Variants in KMT5B observed in about 807,000 individuals in gnomAD.
KMT5B encodes lysine methyltransferase 5B.
KMT5B carries 10 observed loss-of-function variants against 83.2 expected under a neutral mutation model. That is an observed-to-expected ratio of 0.12 (90% CI 0.07 to 0.20). The LOEUF is 0.20. Among genes scored for constraint, KMT5B ranks in the 10% least tolerant of loss-of-function variants. The pLI, the probability that KMT5B is intolerant of heterozygous loss-of-function variation, is 1.00. For missense variants in KMT5B, 753 were observed against 1,067.2 expected, an observed-to-expected ratio of 0.71 and a Z score of 4.10; for synonymous variants, 349 against 388.8, an observed-to-expected ratio of 0.90 and a Z score of 1.20.
chr11:68,170,636 G>A (rs1855752192), intron 9 of KMT5B, among the ~76,000 whole-genome samples: 1 of 152,200 alleles, frequency 6.6e-6, no homozygotes, highest in African/African-American at 2.4e-5. Flanking sequence ...GACACAGCTT[G>A]ATAATATGCA....
intron 10 of KMT5B, chr11:68,165,871 A>G (rs1855271820): frequency 6.2e-7 from 1 of 1,612,934 alleles, no homozygotes; most frequent in African/African-American, 1.3e-5. Context: ...TCTGACTCCC[A>G]GCAGCAGGTA....
At chr11:68,195,294 G>A (rs1348169273) in intron 1 of KMT5B, among the ~76,000 whole-genome samples, 1 of 152,140 alleles carries the variant, frequency 6.6e-6, no homozygotes, top group East Asian at 1.9e-4. Context: ...TCTCTTACTA[G>A]GCAGTTGGTA....
At chr11:68,161,314 A>T (rs1435407242) in intron 10 of KMT5B, among the ~76,000 whole-genome samples, 1 of 152,200 alleles carries the variant, frequency 6.6e-6, no homozygotes, top group Non-Finnish European at 1.5e-5. Flanking sequence ...ATATAAAGAC[A>T]CTAGTGAAGA....
chr11:68,179,378 A>T, intron 4 of KMT5B: 12 of 1,163,288 alleles, frequency 1.0e-5, no homozygotes, highest in Non-Finnish European at 1.4e-5. Flanking sequence ...CTTCCAATCA[A>T]TGGCTGGTAT....
chr11:68,185,636 T>C (rs1857374212), intron 3 of KMT5B, 145 bp downstream of exon 3: 2 of 697,294 alleles, frequency 2.9e-6, no homozygotes, highest in South Asian at 5.0e-5. Flanking sequence ...TCTGCTTCTC[T>C]TGGCTCACAG....
At chr11:68,200,723 T>C (rs1158324899) in intron 1 of KMT5B, among the ~76,000 whole-genome samples, 2 of 152,236 alleles carry the variant, frequency 1.3e-5, no homozygotes, top group Non-Finnish European at 2.9e-5. Context: ...GTTAAATCTC[T>C]GGATGGGAGT....
At chr11:68,203,142 A>G (rs762731084) in intron 1 of KMT5B, among the ~76,000 whole-genome samples, 1 of 151,424 alleles carries the variant, frequency 6.6e-6, no homozygotes, top group Non-Finnish European at 1.5e-5. Flanking sequence ...CACCCAGCTA[A>G]TTTTTGTATT....
In KMT5B at chr11:68,193,877, T is replaced by G. The variant is rs1858385570; in HGVS notation, c.-76-3725A>C. On this transcript the variant is annotated intron_variant, in intron 1 of 10. Transcript: ENST00000304363. ...GTGCAGTGGTGTGATGATGGCTCAC[T>G]GTGGCCTCAAAGTCCTAGGCTCAAG... Among the ~76,000 whole-genome samples the G allele has an allele frequency of 4.0e-5, 6 of 151,608 alleles. No homozygotes were observed. In the South Asian group the frequency reaches 1.3e-3, roughly 32 times the overall value.
intron 4 of KMT5B, among the ~76,000 whole-genome samples, chr11:68,177,852 A>G (rs1036685078): frequency 3.9e-5 from 6 of 152,210 alleles, no homozygotes; most frequent in African/African-American, 1.2e-4. Flanking sequence ...CCAAATATCC[A>G]TACTCAACTA....
Position 68,188,081 on chromosome 11 carries a change from G to C in KMT5B, c.160+1836C>G, listed in dbSNP as rs181315745. On this transcript the variant is annotated intron_variant, in intron 2 of 10. Coordinates refer to ENST00000304363, the MANE Select transcript of KMT5B (RefSeq NM_017635.5). ...GCTCTGTCGCCCAGGCTGGAGTGCA[G>C]TGACGCAATCTCGGCTCACTGCAAG... Among the ~76,000 whole-genome samples, 18 of 149,896 alleles carry C rather than the reference G, an allele frequency of 1.2e-4. No individual in the cohort carries two copies. The East Asian group carries it at 3.3e-3, about 28-fold the overall frequency.
intron 1 of KMT5B, among the ~76,000 whole-genome samples, chr11:68,209,635 G>C (rs981612312): frequency 2.0e-5 from 3 of 152,146 alleles, no homozygotes; most frequent in Non-Finnish European, 4.4e-5. Flanking sequence ...GGATTCGCTA[G>C]CTCAGCAACC....
rs1856065639 is a variant in KMT5B at position 68,173,735 on chromosome 11, AG to A, written c.653+68del. On this transcript the variant is annotated intron_variant, in intron 6 of 10. Transcript: ENST00000304363. ...CTTCATTCCTTACCATGAATTTCTCAGCACTTCAACAATAATTTAGAAGAGA... is the reference window on the plus strand; with the variant it reads ...CTTCATTCCTTACCATGAATTTCTCACACTTCAACAATAATTTAGAAGAGA... 9 of 1,065,286 alleles carry A rather than the reference AG, an allele frequency of 8.4e-6. No individual in the cohort carries two copies. The Middle Eastern group carries it at 1.5e-3, about 178-fold the overall frequency. 66.0% of individuals were successfully genotyped at this position (1,065,286 alleles called of 1,614,324 possible). A position where few individuals can be genotyped will look rare whatever the true frequency, so the allele number is the denominator to read the frequency against.
intron 2 of KMT5B, among the ~76,000 whole-genome samples, chr11:68,186,989 G>A (rs1008184524): frequency 1.3e-4 from 20 of 151,760 alleles, no homozygotes; most frequent in African/African-American, 4.8e-5. Flanking sequence ...ATTCACATAC[G>A]ACACAACTCA....
intron 9 of KMT5B, among the ~76,000 whole-genome samples, chr11:68,169,807 A>AC (rs1855671263): frequency 6.6e-6 from 1 of 152,260 alleles, no homozygotes; most frequent in Non-Finnish European, 1.5e-5. Context: ...AACTATAATT[A>AC]AACTACTTTA....
chr11:68,169,306 A>G (rs1389930624), intron 9 of KMT5B, among the ~76,000 whole-genome samples: 2 of 152,196 alleles, frequency 1.3e-5, no homozygotes, highest in African/African-American at 4.8e-5. Context: ...TGGAATCCTC[A>G]GTATGTGGTT....
intron 1 of KMT5B, among the ~76,000 whole-genome samples, chr11:68,200,905 C>A (rs1236930284): frequency 2.0e-5 from 3 of 152,118 alleles, no homozygotes; most frequent in Non-Finnish European, 4.4e-5. Context: ...AAGGGATTTA[C>A]CCAGCACTGA....
chr11:68,190,190 G>A, intron 1 of KMT5B, 38 bp from the exon 2 acceptor site: 1 of 887,652 alleles, frequency 1.1e-6, no homozygotes, highest in Non-Finnish European at 1.8e-6. Flanking sequence ...AACAAAATGG[G>A]GAGATAAATA....
chr11:68,175,496 G>A (rs1856272605), intron 4 of KMT5B, among the ~76,000 whole-genome samples: 1 of 152,034 alleles, frequency 6.6e-6, no homozygotes, highest in Non-Finnish European at 1.5e-5. Context: ...CATTAACTGT[G>A]AGGTGAGCAG....
intron 3 of KMT5B, among the ~76,000 whole-genome samples, chr11:68,182,418 A>T (rs1300350220): frequency 6.6e-6 from 1 of 152,186 alleles, no homozygotes; most frequent in Non-Finnish European, 1.5e-5. Context: ...AACTAATTAT[A>T]AGAAGCAATG....
Sources: allele counts gnomAD v4.1 joint callset (sites outside exome capture counted in the v4.1 genomes callset), GRCh38; gene constraint gnomAD v4.1.1; transcripts MANE v1.5; gene names NCBI Gene and HGNC (gene_info 2026-07-23, HGNC 2026-07-21).